PCDHA9: variants seen among roughly 807,000 people sequenced by gnomAD.
The protein encoded by PCDHA9 is protocadherin alpha 9, also known as protocadherin alpha-9.
A neutral mutation model predicts 62.0 loss-of-function variants in PCDHA9; 62 were observed. The ratio of observed to expected loss-of-function variants is 1.00; its 90% CI spans 0.81 to 1.23. The LOEUF (loss-of-function observed/expected upper bound fraction) is 1.23. PCDHA9 is among the 50% of genes most tolerant of loss of function. The pLI is 0.00. For synonymous variants in PCDHA9, 557 were observed against 567.6 expected, an observed-to-expected ratio of 0.98 and a Z score of 0.27; for missense variants, 1,205 against 1,249.8, an observed-to-expected ratio of 0.96 and a Z score of 0.54.
intron 1 of PCDHA9, among the ~76,000 whole-genome samples, chr5:140,907,524 C>T (rs562373233): frequency 2.6e-5 from 4 of 152,314 alleles, no homozygotes; most frequent in Non-Finnish European, 4.4e-5. Flanking sequence ...GAGGACAAAT[C>T]GCTGCCCTTT....
intron 1 of PCDHA9, chr5:140,857,805 C>CG: frequency 6.3e-7 from 1 of 1,597,714 alleles, no homozygotes; most frequent in Non-Finnish European, 8.6e-7. Context: ...TCGGTGGTTG[C>CG]GGGTCACGTG....
intron 1 of PCDHA9, among the ~76,000 whole-genome samples, chr5:140,933,012 A>G (rs1554209160): frequency 6.6e-6 from 1 of 152,008 alleles, no homozygotes; most frequent in Middle Eastern, 3.2e-3. Flanking sequence ...CGGAAATATT[A>G]ACACTTGGCA....
intron 1 of PCDHA9, chr5:140,876,892 A>G (rs782046911): frequency 1.2e-6 from 2 of 1,614,044 alleles, no homozygotes; most frequent in South Asian, 1.1e-5. Context: ...GGGCTGCCAC[A>G]TCTTCACGGT....
intron 1 of PCDHA9, chr5:140,966,674 G>A: frequency 7.7e-7 from 1 of 1,295,168 alleles, no homozygotes; most frequent in Non-Finnish European, 1.0e-6. Flanking sequence ...GGCGCAGGGT[G>A]GCACGAGCGG....
intron 1 of PCDHA9, chr5:140,882,650 G>A (rs782695823): frequency 8.1e-6 from 13 of 1,614,212 alleles, no homozygotes; most frequent in Non-Finnish European, 8.5e-6. Context: ...GGACATTAAC[G>A]ACAACCCGCC....
chr5:140,876,922 G>C (rs1554169106), intron 1 of PCDHA9: 6 of 1,613,906 alleles, frequency 3.7e-6, no homozygotes, highest in African/African-American at 2.7e-5. Context: ...GGACGCGGAC[G>C]CGCAGAAGAA....
chr5:140,861,627 T>C, intron 1 of PCDHA9: 1 of 322,548 alleles, frequency 3.1e-6, no homozygotes, highest in South Asian at 3.1e-5. Flanking sequence ...GCCAGTGTTC[T>C]CAGCAACACA....
chr5:140,896,594 C>G (rs1583238277), intron 1 of PCDHA9, among the ~76,000 whole-genome samples: 1 of 150,950 alleles, frequency 6.6e-6, no homozygotes, highest in Non-Finnish European at 1.5e-5. Flanking sequence ...CCAGGCTGGT[C>G]TCGAACTCCT....
intron 3 of PCDHA9, among the ~76,000 whole-genome samples, chr5:140,983,234 G>C (rs1021819523): frequency 6.6e-6 from 1 of 152,196 alleles, no homozygotes; most frequent in Non-Finnish European, 1.5e-5. Context: ...TTTCAGGAAA[G>C]AGAACCTGCT....
intron 1 of PCDHA9, among the ~76,000 whole-genome samples, chr5:140,961,519 A>G (rs246002): frequency 0.56 from 85,694 of 152,068 alleles, 24,757 homozygotes; most frequent in African/African-American, 0.69. Flanking sequence ...ATGTCTCCAC[A>G]AATTCTAGAT....
At chr5:140,967,671 A>G in intron 1 of PCDHA9, 1 of 1,614,130 alleles carries the variant, frequency 6.2e-7, no homozygotes, top group Non-Finnish European at 8.5e-7. Context: ...TACACGTCGG[A>G]CCGGGAGAGG....
At chr5:140,935,665 T>C (rs2090490152) in intron 1 of PCDHA9, among the ~76,000 whole-genome samples, 1 of 152,182 alleles carries the variant, frequency 6.6e-6, no homozygotes, top group Non-Finnish European at 1.5e-5. Context: ...TCTTTTATAA[T>C]TATGTGAAAT....
At chr5:140,967,643 A>G in intron 1 of PCDHA9, 1 of 1,614,164 alleles carries the variant, frequency 6.2e-7, no homozygotes, top group East Asian at 2.2e-5. Flanking sequence ...TGGTGAGCTC[A>G]GGTACTCCTT....
intron 1 of PCDHA9, among the ~76,000 whole-genome samples, chr5:140,912,293 C>T (rs1231004722): frequency 6.6e-6 from 1 of 152,110 alleles, no homozygotes; most frequent in Admixed American, 6.6e-5. Flanking sequence ...AATACTTTGC[C>T]TCCTGTAATC....
intron 2 of PCDHA9, among the ~76,000 whole-genome samples, chr5:140,979,327 C>T (rs1446940311): frequency 5.9e-5 from 9 of 152,078 alleles, no homozygotes; most frequent in African/African-American, 2.2e-4. Context: ...CTTTCTTTTC[C>T]TCCTTTAAAA....
At chr5:140,871,265 G>A (rs2052892595) in intron 1 of PCDHA9, 8 of 1,613,978 alleles carry the variant, frequency 5.0e-6, no homozygotes, top group Non-Finnish European at 6.8e-6. Flanking sequence ...ACGGCGCTGT[G>A]GTGGTCGGCA....
At chr5:140,874,202 T>C (rs11741879) in intron 1 of PCDHA9, among the ~76,000 whole-genome samples, 12,321 of 152,316 alleles carry the variant, frequency 0.081, 541 homozygotes, top group Middle Eastern at 0.13. Context: ...TTCAGTTGCC[T>C]TTATTATTAT....
intron 1 of PCDHA9, among the ~76,000 whole-genome samples, chr5:140,941,348 G>T (rs1193360429): frequency 1.7e-5 from 2 of 116,240 alleles, no homozygotes; most frequent in East Asian, 2.7e-4. Context: ...ATGGAGTCTT[G>T]CTCTGTTGCC....
chr5:140,872,265 T>G (rs2053570965), intron 1 of PCDHA9, among the ~76,000 whole-genome samples: 1 of 152,164 alleles, frequency 6.6e-6, no homozygotes, highest in South Asian at 2.1e-4. Context: ...TGTTTTCATA[T>G]TGTTTGAAGA....
Sources: allele counts gnomAD v4.1 joint callset (sites outside exome capture counted in the v4.1 genomes callset), GRCh38; gene constraint gnomAD v4.1.1; transcripts MANE v1.5; gene names NCBI Gene and HGNC (gene_info 2026-07-23, HGNC 2026-07-21).